The following TXLNG variants were observed in gnomAD, a reference collection of about 807,000 sequenced individuals.
The protein encoded by TXLNG is taxilin gamma, also known as gamma-taxilin.
In TXLNG, 5 loss-of-function variants were observed where a neutral mutation model predicts 38.8. That is an observed-to-expected ratio of 0.13 (90% CI 0.07 to 0.27). TXLNG has a LOEUF of 0.27. Ranked by LOEUF, TXLNG falls within the 10% of genes least tolerant of loss-of-function variation. The pLI is 1.00. For synonymous variants in TXLNG, 182 were observed against 158.2 expected (o/e 1.15, Z -1.13); for missense variants, 393 against 398.2 (o/e 0.99, Z 0.11).
At chrX:16,805,425 C>A (rs963465990) in intron 1 of TXLNG, among the ~76,000 whole-genome samples, 7 of 91,697 alleles carry the variant, frequency 7.6e-5, no homozygotes, top group Admixed American at 3.4e-4. Flanking sequence ...AATAAAAAAA[C>A]CAAAACAACA....
At chrX:16,824,881 G>A (rs1415657085) in intron 3 of TXLNG, among the ~76,000 whole-genome samples, 2 of 109,060 alleles carry the variant, frequency 1.8e-5, no homozygotes, top group Non-Finnish European at 3.8e-5. Flanking sequence ...AGCCAAGATC[G>A]CACCACTGCA....
At chrX:16,812,291 G>A (rs761218133) in intron 1 of TXLNG, among the ~76,000 whole-genome samples, 19 of 110,271 alleles carry the variant, frequency 1.7e-4, no homozygotes, top group African/African-American at 6.3e-4. Flanking sequence ...TTACAGGTAT[G>A]AGCCACCGTG....
At chrX:16,823,207 C>G (rs1463299035) in intron 3 of TXLNG, among the ~76,000 whole-genome samples, 2 of 110,345 alleles carry the variant, frequency 1.8e-5, no homozygotes, top group Non-Finnish European at 3.8e-5. Flanking sequence ...GCGTATAATC[C>G]CAGCACTTTG....
At chrX:16,812,890 G>A (rs1928583363) in intron 1 of TXLNG, among the ~76,000 whole-genome samples, 1 of 106,604 alleles carries the variant, frequency 9.4e-6, no homozygotes, top group Non-Finnish European at 1.9e-5. Context: ...TAGTAGAGGC[G>A]GTGTTTCTCC....
intron 6 of TXLNG, 124 bp from the exon 7 acceptor site, chrX:16,834,159 T>G: frequency 2.0e-6 from 1 of 501,066 alleles, no homozygotes; most frequent in Non-Finnish European, 3.3e-6. Flanking sequence ...TGGAACAGAC[T>G]GTTTCATCTG....
At chrX:16,841,183 G>C (rs1418124506) in intron 9 of TXLNG, among the ~76,000 whole-genome samples, 1 of 108,479 alleles carries the variant, frequency 9.2e-6, no homozygotes, top group Non-Finnish European at 1.9e-5. Flanking sequence ...AACAGAGCAA[G>C]ACTCTGTCTC....
At chrX:16,826,507 A>C (rs1182629191) in intron 3 of TXLNG, among the ~76,000 whole-genome samples, 2 of 111,794 alleles carry the variant, frequency 1.8e-5, no homozygotes, top group African/African-American at 6.5e-5. Context: ...TTCCATACCC[A>C]AAACTGCAGC....
intron 3 of TXLNG, among the ~76,000 whole-genome samples, chrX:16,825,625 A>G (rs982294179): frequency 9.0e-6 from 1 of 111,587 alleles, no homozygotes; most frequent in African/African-American, 3.3e-5. Flanking sequence ...CTCACTGTTT[A>G]TTTTTTAGAG....
At chrX:16,821,072 C>T (rs192622490) in intron 3 of TXLNG, among the ~76,000 whole-genome samples, 4 of 106,085 alleles carry the variant, frequency 3.8e-5, no homozygotes, top group African/African-American at 1.0e-4. Context: ...CCCGTCCATT[C>T]TCAGCTATAT....
Position 16,828,128 on chromosome X carries a change from A to T in TXLNG, c.533A>T (p.Lys178Met). ...EESRSVQKQM[K>M]ILQKKQAQIV... ...AGCAGGAGTGTTCAGAAGCAAATGA[A>T]GATCCTGCAGAAGAAGCAAGCCCAG... Residue 178 changes from lysine (K) to methionine (M), a missense_variant, in exon 4 of 10, where the codon AAG becomes ATG. Coordinates refer to ENST00000380122, the MANE Select transcript of TXLNG (RefSeq NM_018360.3). 1 of 1,210,675 alleles carries T rather than the reference A, an allele frequency of 8.3e-7. No homozygotes were observed. Among genetic ancestry groups the T allele is most frequent in the Non-Finnish European group, 1.1e-6 (1 of 894,836 alleles).
Position 16,829,669 on chromosome X carries a change from C to T in TXLNG, c.763C>T (p.Leu255=). The part of the protein sequence containing the change: ...QITLNEIQAQ[L]EQHDIHNAKL... The stretch of plus-strand genomic sequence containing the variant: ...TACCTTAAATGAAATTCAAGCCCAG[C>T]TGGAGCAGCATGACATCCACAACGC... Residue 255 remains leucine, a synonymous_variant, in exon 5 of 10, where the codon CTG becomes TTG. Transcript: ENST00000380122. 8.3e-7 allele frequency: 1 copy of T among 1,211,922 alleles called. No individual in the cohort carries two copies. The highest frequency in any genetic ancestry group is 1.1e-6 in the Non-Finnish European group (1 of 895,489).
rs1012659220 is a variant in TXLNG at position 16,843,736 on chromosome X, G to C, written c.*1970G>C. On this transcript the variant is annotated 3_prime_UTR_variant, in exon 10 of 10. Coordinates refer to ENST00000380122, the MANE Select transcript of TXLNG (RefSeq NM_018360.3). ...TCTTGGGCCTGTTGCATACTTCCAA[G>C]GGCTTTAAAGCAATGTGATTAACAG... 2.7e-5 allele frequency: 3 copies of C among 111,924 alleles called. No homozygotes were observed. Among genetic ancestry groups the C allele is most frequent in the Admixed American group, 1.9e-4 (2 of 10,538 alleles). 9.2% of individuals were successfully genotyped at this position (111,924 alleles called of 1,213,427 possible). A position where few individuals can be genotyped will look rare whatever the true frequency, so the allele number is the denominator to read the frequency against.
rs1414594914 is a variant in TXLNG at position 16,843,990 on chromosome X, T to C, written c.*2224T>C. 1.8e-5 allele frequency: 2 copies of C among 111,613 alleles called. No individual in the cohort carries two copies. Among genetic ancestry groups the C allele is most frequent in the Admixed American group, 9.6e-5 (1 of 10,430 alleles). 9.2% of individuals were successfully genotyped at this position (111,613 alleles called of 1,213,427 possible). On this transcript the variant is annotated 3_prime_UTR_variant, in exon 10 of 10. Coordinates refer to ENST00000380122, the MANE Select transcript of TXLNG (RefSeq NM_018360.3). ...TGTAGCGCACCCCGTATCTACCATA[T>C]TCTAGAACACTGTAATGCTACTAGG...
intron 5 of TXLNG, among the ~76,000 whole-genome samples, chrX:16,830,181 G>T (rs981638993): frequency 4.2e-4 from 32 of 75,490 alleles, no homozygotes; most frequent in African/African-American, 1.6e-3. Context: ...TAATGTTTCA[G>T]ATTTTTTTTT....
intron 3 of TXLNG, among the ~76,000 whole-genome samples, chrX:16,823,249 G>A (rs371401176): frequency 2.0e-3 from 217 of 109,475 alleles, no homozygotes; most frequent in African/African-American, 6.8e-3. Flanking sequence ...ACCTGAGGTC[G>A]GGAGTTCGAG....
chrX:16,786,638 G>A (rs1193733246), intron 1 of TXLNG, 49 bp downstream of exon 1: 8 of 926,959 alleles, frequency 8.6e-6, no homozygotes, highest in Non-Finnish European at 1.1e-5. Context: ...GGGATGTTTG[G>A]GCTCCCTTTT....
chrX:16,808,855 T>C (rs1928415129), intron 1 of TXLNG, among the ~76,000 whole-genome samples: 2 of 112,121 alleles, frequency 1.8e-5, no homozygotes, highest in South Asian at 7.3e-4. Flanking sequence ...TTATGTATTA[T>C]GTCATTCACA....
rs1354776208 is a variant in TXLNG, at chrX:16,796,674, A to G, written c.102+10085A>G. Among the ~76,000 whole-genome samples the G allele has an allele frequency of 4.5e-5, 5 of 111,301 alleles. No individual in the cohort carries two copies. In the South Asian group the frequency reaches 1.5e-3, roughly 33 times the overall value. On this transcript the variant is annotated intron_variant, in intron 1 of 9. Coordinates refer to ENST00000380122, the MANE Select transcript of TXLNG (RefSeq NM_018360.3). The stretch of plus-strand genomic sequence containing the variant: ...GCCTATTTGTTAGGTGTAGTTGAAT[A>G]AGAAGGAAGTGGCACTCTTCTCCCT...
At chrX:16,811,149 T>C (rs971131395) in intron 1 of TXLNG, among the ~76,000 whole-genome samples, 2 of 111,678 alleles carry the variant, frequency 1.8e-5, no homozygotes, top group Admixed American at 1.9e-4. Context: ...ATACGTGATA[T>C]TGTAATATGT....
Sources: allele counts gnomAD v4.1 joint callset (sites outside exome capture counted in the v4.1 genomes callset), GRCh38; gene constraint gnomAD v4.1.1; transcripts MANE v1.5; gene names NCBI Gene and HGNC (gene_info 2026-07-23, HGNC 2026-07-21).